The following HSPA9 variants were observed in gnomAD, a reference collection of about 807,000 sequenced individuals.
HSPA9 encodes stress-70 protein, mitochondrial.
HSPA9 carries 28 observed loss-of-function variants against 81.5 expected under a neutral mutation model. That is an observed-to-expected ratio of 0.34 (90% CI 0.25 to 0.47). The LOEUF (loss-of-function observed/expected upper bound fraction) is 0.47, where lower values mean the gene tolerates loss of function less well. Among genes scored for constraint, HSPA9 ranks in the 20% least tolerant of loss-of-function variants. HSPA9 has a pLI of 1.00. For missense variants in HSPA9, 678 were observed against 838.0 expected (o/e 0.81, Z 2.36); for synonymous variants, 293 against 290.4 (o/e 1.01, Z -0.09).
chr5:138,574,059 T>C lies in HSPA9; in HGVS notation c.140+9A>G. 4 of 1,605,792 alleles carry C rather than the reference T, an allele frequency of 2.5e-6. No individual in the cohort carries two copies. Among genetic ancestry groups the C allele is most frequent in the Non-Finnish European group, 2.6e-6 (3 of 1,172,466 alleles). ...TATTCCCTCTCAAAGGAAATGATAT[T>C]ATACTTACGCATAATCCCGCCTTGA... On this transcript the variant is annotated intron_variant, in intron 2 of 16. Coordinates refer to ENST00000297185, the MANE Select transcript of HSPA9 (RefSeq NM_004134.7).
At position 138,557,546 on chromosome 5, in the gene HSPA9, C is replaced by T. The variant is rs753558895; in HGVS notation, c.1634-50G>A. On this transcript the variant is annotated intron_variant, in intron 13 of 16. Transcript: ENST00000297185. Reference sequence around the variant, plus strand: ...TTAATTCCCAGGTAAAGTTATATGCCTCTTCTTCCTCCATTGCATTAAGAG... The same window carrying T: ...TTAATTCCCAGGTAAAGTTATATGCTTCTTCTTCCTCCATTGCATTAAGAG... 56 of 1,072,566 alleles carry T rather than the reference C, an allele frequency of 5.2e-5. No homozygotes were observed. In the East Asian group the frequency reaches 1.3e-3, roughly 26 times the overall value. The allele number at this position is 1,072,566 out of a possible 1,614,324, so 66.4% of individuals were successfully genotyped here.
At chr5:138,571,959 G>C in intron 3 of HSPA9, among the ~76,000 whole-genome samples, 1 of 10,626 alleles carries the variant, frequency 9.4e-5, no homozygotes, top group African/African-American at 2.4e-4. Flanking sequence ...ACTGCGCCTG[G>C]CTTTTTTTTT....
chr5:138,566,977 A>C, intron 8 of HSPA9, 24 bp downstream of exon 8: 1 of 1,610,472 alleles, frequency 6.2e-7, no homozygotes, highest in Non-Finnish European at 8.5e-7. Context: ...CAACGTCTAC[A>C]TATTAACCAC....
At chr5:138,575,214 T>A in intron 1 of HSPA9, 24 bp downstream of exon 1, 1 of 1,562,350 alleles carries the variant, frequency 6.4e-7, no homozygotes, top group South Asian at 1.1e-5. Context: ...CGTGACCCCA[T>A]TCGGGAAGGT....
In HSPA9 at chr5:138,567,170, A is replaced by G. The variant is rs201289629; in HGVS notation, c.717-7T>C. On this transcript the variant is annotated splice_polypyrimidine_tract_variant and splice_region_variant and intron_variant, in intron 7 of 16. Coordinates refer to ENST00000297185, the MANE Select transcript of HSPA9 (RefSeq NM_004134.7). The stretch of plus-strand genomic sequence containing the variant: ...TAAATCATATACAGCAATGCTGTAA[A>G]TGATTTGTGAAAAAAAAAAGAAAAG... The G allele has an allele frequency of 5.0e-5, 78 of 1,572,450 alleles. No homozygotes were observed. The highest frequency in any genetic ancestry group is 1.6e-4 in the Admixed American group (9 of 56,860).
rs543667276 is a variant in HSPA9 at position 138,554,341 on chromosome 5, C to T, written c.*1696G>A. ...AATCCTGGAGGGCTTTTAAAGTTAT[C>T]TTTAGGAGACAGTAGAGGCAGTGGG... is the stretch of plus-strand genomic sequence containing the variant. On this transcript the variant is annotated 3_prime_UTR_variant, in exon 17 of 17. Transcript: ENST00000297185. Among the ~76,000 whole-genome samples the T allele has an allele frequency of 1.3e-5, 2 of 152,280 alleles. No homozygotes were observed. The highest frequency in any genetic ancestry group is 3.9e-4 in the East Asian group (2 of 5,184).
rs754006375 is a variant in HSPA9, at chr5:138,575,355, C to G, written c.-37G>C. ...GGAGGAGTACGAGGCAGCAAACAAG[C>G]GCTCCGACGGCAAAGAGCTGCGCGA... On this transcript the variant is annotated 5_prime_UTR_variant, in exon 1 of 17. Coordinates refer to ENST00000297185, the MANE Select transcript of HSPA9 (RefSeq NM_004134.7). 2.6e-6 allele frequency: 4 copies of G among 1,547,200 alleles called. No homozygotes were observed. The Admixed American group carries it at 5.1e-5, about 20-fold the overall frequency.
chr5:138,567,247 T>G (rs1029358790), intron 7 of HSPA9, 84 bp from the exon 8 acceptor site: 109 of 1,214,210 alleles, frequency 9.0e-5, no homozygotes, highest in Non-Finnish European at 1.2e-4. Flanking sequence ...AATAACCAAA[T>G]ACAGATAATC....
intron 5 of HSPA9, among the ~76,000 whole-genome samples, chr5:138,568,436 G>A (rs2127159458): frequency 6.6e-6 from 1 of 152,314 alleles, no homozygotes; most frequent in South Asian, 2.1e-4. Context: ...GAACCCGGGA[G>A]GCGGAGGCTT....
Position 138,566,694 on chromosome 5 carries a change from TGTC to T in HSPA9, c.901_903del (p.Asp301del), listed in dbSNP as rs1561859882. The T allele has an allele frequency of 6.2e-7, 1 of 1,614,018 alleles. No individual in the cohort carries two copies. On this transcript the variant is annotated inframe_deletion, in exon 9 of 17. Transcript: ENST00000297185. ...TCCCGTACCCTCTGAAGTGCCATGT[TGTC>T]TTTAGTCAAATCAACCCCTGTCTAT...
chr5:138,564,097 T>C (rs1442526094), intron 9 of HSPA9, among the ~76,000 whole-genome samples: 3 of 152,098 alleles, frequency 2.0e-5, no homozygotes, highest in Non-Finnish European at 4.4e-5. Context: ...ATTTTTATTA[T>C]TTTTATTTTT....
In HSPA9 at chr5:138,555,073, C is replaced by T. The variant is rs1750490671; in HGVS notation, c.*964G>A. The T allele has an allele frequency of 6.6e-6, 1 of 152,160 alleles. No homozygotes were observed. Among genetic ancestry groups the T allele is most frequent in the African/African-American group, 2.4e-5 (1 of 41,422 alleles). 9.4% of individuals were successfully genotyped at this position (152,160 alleles called of 1,614,324 possible). On this transcript the variant is annotated 3_prime_UTR_variant, in exon 17 of 17. Transcript: ENST00000297185. ...AACTTTCATGTTAGAGATCTAGAAA[C>T]TTTCATGTTAGAGATCTAGAAACTT...
In HSPA9 at chr5:138,566,984, C is replaced by T; in HGVS notation, c.879+17G>A. On this transcript the variant is annotated intron_variant, in intron 8 of 16. Coordinates refer to ENST00000297185, the MANE Select transcript of HSPA9 (RefSeq NM_004134.7). ...CAATATCCCAACGTCTACATATTAA[C>T]CACATTGGTAACTCACCTCTCTCTT... 6.2e-7 allele frequency: 1 copy of T among 1,611,014 alleles called. No homozygotes were observed. Among genetic ancestry groups the T allele is most frequent in the East Asian group, 2.2e-5 (1 of 44,854 alleles).
chr5:138,562,551 C>CA (rs1480857991), intron 9 of HSPA9, among the ~76,000 whole-genome samples: 1 of 151,130 alleles, frequency 6.6e-6, no homozygotes, highest in Admixed American at 6.6e-5. Context: ...AACTCCGTCT[C>CA]AAAAAAACAA....
At chr5:138,568,830 A>G in intron 5 of HSPA9, 95 bp downstream of exon 5, 1 of 1,315,660 alleles carries the variant, frequency 7.6e-7, no homozygotes, top group African/African-American at 1.4e-5. Context: ...AAGGGACCAC[A>G]GATTCATCTA....
intron 11 of HSPA9, 148 bp from the exon 12 acceptor site, chr5:138,558,805 G>A: frequency 1.5e-6 from 1 of 672,186 alleles, no homozygotes; most frequent in South Asian, 1.6e-5. Flanking sequence ...TCTTTATAGG[G>A]AATAGAAGTA....
chr5:138,554,416 CA>C lies in HSPA9; in HGVS notation c.*1620del, dbSNP rs1431502230. 6.6e-6 allele frequency among the ~76,000 whole-genome samples: 1 copy of C among 152,310 alleles called. No individual in the cohort carries two copies. Among genetic ancestry groups the C allele is most frequent in the African/African-American group, 2.4e-5 (1 of 41,578 alleles). On this transcript the variant is annotated 3_prime_UTR_variant, in exon 17 of 17. Transcript: ENST00000297185. ...AGTTATTTTCCAACACACCATATAA[CA>C]ATCCTTCATAATCCTACAATGTTCC...
intron 10 of HSPA9, 102 bp downstream of exon 10, chr5:138,561,478 A>T: frequency 1.2e-6 from 1 of 858,978 alleles, no homozygotes; most frequent in Non-Finnish European, 2.0e-6. Flanking sequence ...TCTCCCTTTT[A>T]GGTCACCCCA....
intron 3 of HSPA9, among the ~76,000 whole-genome samples, chr5:138,573,329 AG>A (rs1273215000): frequency 6.6e-6 from 1 of 152,138 alleles, no homozygotes; most frequent in Non-Finnish European, 1.5e-5. Context: ...ATGCCCGGTC[AG>A]CCCTGATCTA....
Sources: gnomAD v4.1 joint callset for allele counts (sites outside exome capture counted in the v4.1 genomes callset) on GRCh38, gnomAD v4.1.1 for gene constraint, MANE v1.5 for transcripts, NCBI Gene and HGNC (gene_info 2026-07-23, HGNC 2026-07-21) for gene names.